The following RTTN variants were observed in gnomAD, a reference collection of about 807,000 sequenced individuals.
RTTN encodes the protein rotatin.
A neutral mutation model predicts 269.2 loss-of-function variants in RTTN; 182 were observed. The observed-to-expected ratio is 0.68, with a 90% confidence interval of 0.60 to 0.76. The LOEUF (loss-of-function observed/expected upper bound fraction) is 0.76. Among genes scored for constraint, RTTN ranks in the 30% least tolerant of loss-of-function variants. The pLI, the probability that RTTN is intolerant of heterozygous loss-of-function variation, is 0.00. For missense variants in RTTN, 2,545 were observed against 2,608.6 expected (o/e 0.98, Z 0.53); for synonymous variants, 1,006 against 963.5 (o/e 1.04, Z -0.82).
At chr18:70,030,778 T>C in intron 41 of RTTN, 98 bp downstream of exon 41, 1 of 888,604 alleles carries the variant, frequency 1.1e-6, no homozygotes, top group Non-Finnish European at 1.7e-6. Context: ...TACTATACGT[T>C]TTTTACATTT....
chr18:70,100,999 T>A (rs2059147837), intron 28 of RTTN, among the ~76,000 whole-genome samples: 1 of 152,218 alleles, frequency 6.6e-6, no homozygotes, highest in Non-Finnish European at 1.5e-5. Flanking sequence ...TTGAGGATTT[T>A]TGCACTGATG....
intron 35 of RTTN, among the ~76,000 whole-genome samples, chr18:70,064,918 G>C (rs1477263639): frequency 2.0e-5 from 3 of 152,052 alleles, no homozygotes; most frequent in African/African-American, 7.2e-5. Flanking sequence ...ATTCATGATC[G>C]AATTTCATTT....
intron 28 of RTTN, among the ~76,000 whole-genome samples, chr18:70,106,272 G>A (rs1451807655): frequency 6.6e-6 from 1 of 152,172 alleles, no homozygotes; most frequent in Non-Finnish European, 1.5e-5. Context: ...TTGGGCTCAG[G>A]AGGTTGAGGC....
At chr18:70,072,393 A>G (rs1228527910) in intron 34 of RTTN, among the ~76,000 whole-genome samples, 1 of 152,174 alleles carries the variant, frequency 6.6e-6, no homozygotes, top group Non-Finnish European at 1.5e-5. Flanking sequence ...AACACAAACA[A>G]GTTAAAGACC....
intron 21 of RTTN, among the ~76,000 whole-genome samples, chr18:70,136,237 T>G (rs1599723038): frequency 1.3e-5 from 2 of 151,938 alleles, no homozygotes; most frequent in South Asian, 4.1e-4. Flanking sequence ...ATTACAGCAA[T>G]GCCTTTGCCT....
At chr18:70,116,644 C>A (rs1325857345) in intron 26 of RTTN, among the ~76,000 whole-genome samples, 2 of 152,008 alleles carry the variant, frequency 1.3e-5, no homozygotes, top group African/African-American at 4.8e-5. Context: ...ACTACTTGGG[C>A]CATTATTTTG....
intron 10 of RTTN, among the ~76,000 whole-genome samples, chr18:70,186,346 T>C (rs2061546728): frequency 6.6e-6 from 1 of 152,228 alleles, no homozygotes; most frequent in African/African-American, 2.4e-5. Context: ...GCCATTTCAC[T>C]AAATGCTGAT....
At chr18:70,187,459 G>C (rs2061572924) in intron 10 of RTTN, among the ~76,000 whole-genome samples, 1 of 152,098 alleles carries the variant, frequency 6.6e-6, no homozygotes, top group Admixed American at 6.6e-5. Flanking sequence ...GGATGGGAGA[G>C]AGGCATCTCT....
intron 38 of RTTN, among the ~76,000 whole-genome samples, chr18:70,053,909 T>C (rs2057743103): frequency 6.6e-6 from 1 of 152,212 alleles, no homozygotes. Flanking sequence ...TTTGCCCTCA[T>C]TTAAACTGAA....
intron 19 of RTTN, among the ~76,000 whole-genome samples, chr18:70,140,401 C>A (rs988869535): frequency 2.0e-5 from 3 of 152,120 alleles, no homozygotes. Flanking sequence ...TATCTTACTT[C>A]TGTCACATAA....
intron 26 of RTTN, among the ~76,000 whole-genome samples, chr18:70,119,904 T>C (rs560253847): frequency 6.6e-6 from 1 of 152,324 alleles, no homozygotes; most frequent in African/African-American, 2.4e-5. Context: ...ATGCTGGGTA[T>C]GCAATAATGA....
At chr18:70,200,483 TG>T (rs1468337142) in intron 4 of RTTN, among the ~76,000 whole-genome samples, 1 of 152,218 alleles carries the variant, frequency 6.6e-6, no homozygotes, top group Admixed American at 6.5e-5. Context: ...TCCCTTCAGA[TG>T]TCTCTCATCT....
chr18:70,205,257 C>G lies in RTTN; in HGVS notation c.90G>C (p.Glu30Asp). 6.2e-7 allele frequency: 1 copy of G among 1,614,214 alleles called. No individual in the cohort carries two copies. The highest frequency in any genetic ancestry group is 8.5e-7 in the Non-Finnish European group (1 of 1,180,048). ...GATCAGCGTAGCAGATTAAGTTGTG[C>G]TCAATCTTGCAGAGAATACTCTTGA... ...RALKSILCKI[E>D]HNLICYADLI... The change falls in exon 2 of 49, where the codon GAG (glutamate) becomes GAC (aspartate). Residue 30 changes from glutamate (E) to aspartate (D), a missense_variant. Coordinates refer to ENST00000640769, the MANE Select transcript of RTTN (RefSeq NM_173630.4).
intron 28 of RTTN, among the ~76,000 whole-genome samples, chr18:70,100,555 C>T (rs754269978): frequency 3.2e-4 from 48 of 152,300 alleles, no homozygotes; most frequent in South Asian, 2.1e-3. Context: ...CTTTTCCTAA[C>T]TGAATACCCT....
At chr18:70,112,503 C>G (rs931282261) in intron 27 of RTTN, among the ~76,000 whole-genome samples, 1 of 45,666 alleles carries the variant, frequency 2.2e-5, no homozygotes, top group African/African-American at 5.1e-5. Flanking sequence ...AAAAAAAAAG[C>G]AAGAGCTACC....
intron 46 of RTTN, among the ~76,000 whole-genome samples, chr18:70,015,503 T>A (rs1198295806): frequency 6.6e-6 from 1 of 152,044 alleles, no homozygotes; most frequent in African/African-American, 2.4e-5. Flanking sequence ...TAAGGCCTCC[T>A]CCATAAATCC....
intron 11 of RTTN, among the ~76,000 whole-genome samples, chr18:70,170,897 AAAG>A (rs1303923168): frequency 1.3e-5 from 2 of 152,218 alleles, no homozygotes; most frequent in African/African-American, 4.8e-5. Flanking sequence ...CATATGAGCA[AAAG>A]AAAGGAATCA....
At chr18:70,022,967 A>C (rs1468195414) in intron 44 of RTTN, among the ~76,000 whole-genome samples, 2 of 151,420 alleles carry the variant, frequency 1.3e-5, no homozygotes, top group African/African-American at 4.9e-5. Context: ...CATGACAATG[A>C]CTCCTGTGGT....
At chr18:70,006,232 A>G in intron 47 of RTTN, 149 bp downstream of exon 47, 1 of 562,912 alleles carries the variant, frequency 1.8e-6, no homozygotes, top group Non-Finnish European at 3.2e-6. Flanking sequence ...TACTAATTGT[A>G]TGAATCAGCA....
Sources: allele counts gnomAD v4.1 joint callset (sites outside exome capture counted in the v4.1 genomes callset), GRCh38; gene constraint gnomAD v4.1.1; transcripts MANE v1.5; gene names NCBI Gene and HGNC (gene_info 2026-07-23, HGNC 2026-07-21).